The following RAB27B variants were observed in gnomAD, a reference collection of about 807,000 sequenced individuals.
RAB27B encodes the protein ras-related protein Rab-27B.
RAB27B carries 15 observed loss-of-function variants against 24.6 expected under a neutral mutation model. The observed-to-expected ratio is 0.61, with a 90% CI of 0.41 to 0.94. The LOEUF is 0.94. RAB27B is among the 40% of genes least tolerant of loss of function. The pLI, the probability that RAB27B is intolerant of heterozygous loss-of-function variation, is 0.00. For missense variants in RAB27B, 261 were observed against 266.8 expected, an observed-to-expected ratio of 0.98 and a Z score of 0.15; for synonymous variants, 105 against 92.5, an observed-to-expected ratio of 1.14 and a Z score of -0.78.
chr18:54,751,837 A>G (rs1196480740), intron 2 of RAB27B, among the ~76,000 whole-genome samples: 1 of 152,176 alleles, frequency 6.6e-6, no homozygotes, highest in Admixed American at 6.5e-5. Context: ...AGGAGATGAC[A>G]CAGTCATTAC....
chr18:54,854,535 C>T (rs1487194041), intron 1 of RAB27B, among the ~76,000 whole-genome samples: 1 of 152,074 alleles, frequency 6.6e-6, no homozygotes, highest in Non-Finnish European at 1.5e-5. Context: ...TAAACATAAC[C>T]TTTATTTTAA....
rs1313220199 is a variant in RAB27B at position 54,895,422 on chromosome 18, T to G, written c.*6009T>G. Reference sequence around the variant, plus strand: ...TTCAGAAATCATAGCATCCAATGATTTTTTGGTGTCTGGCTATGAATACTA... The same window carrying G: ...TTCAGAAATCATAGCATCCAATGATGTTTTGGTGTCTGGCTATGAATACTA... On this transcript the variant is annotated 3_prime_UTR_variant, in exon 6 of 6. Transcript: ENST00000262094. 2.6e-5 allele frequency: 4 copies of G among 152,126 alleles called. No homozygotes were observed. The highest frequency in any genetic ancestry group is 9.7e-5 in the African/African-American group (4 of 41,444). 9.4% of individuals were successfully genotyped at this position (152,126 alleles called of 1,614,324 possible).
chr18:54,758,358 C>T (rs1301822165), intron 2 of RAB27B, among the ~76,000 whole-genome samples: 1 of 151,982 alleles, frequency 6.6e-6, no homozygotes, highest in Admixed American at 6.6e-5. Flanking sequence ...TGAAGAAAGG[C>T]CGTAGAAAGG....
intron 2 of RAB27B, among the ~76,000 whole-genome samples, chr18:54,807,281 C>G (rs1014795294): frequency 6.6e-6 from 1 of 152,124 alleles, no homozygotes; most frequent in Non-Finnish European, 1.5e-5. Flanking sequence ...GTATTTTTTC[C>G]TGCTCTGAGG....
chr18:54,874,216 G>A (rs1021071487), intron 1 of RAB27B, among the ~76,000 whole-genome samples: 2 of 152,098 alleles, frequency 1.3e-5, no homozygotes, highest in African/African-American at 4.8e-5. Flanking sequence ...CTCTCCTCAT[G>A]TCTAATTCCC....
intron 1 of RAB27B, among the ~76,000 whole-genome samples, chr18:54,877,102 A>G (rs552587084): frequency 1.2e-4 from 19 of 152,276 alleles, no homozygotes; most frequent in African/African-American, 4.3e-4. Flanking sequence ...TTTTCATGAT[A>G]GTGAGTTCTC....
intron 2 of RAB27B, among the ~76,000 whole-genome samples, chr18:54,802,279 G>A (rs1467927043): frequency 6.6e-6 from 1 of 152,224 alleles, no homozygotes; most frequent in Admixed American, 6.5e-5. Flanking sequence ...GTACTCCTGA[G>A]ATGAGCTGAG....
At chr18:54,846,494 A>T (rs1911343758) in intron 1 of RAB27B, among the ~76,000 whole-genome samples, 1 of 152,234 alleles carries the variant, frequency 6.6e-6, no homozygotes, top group Non-Finnish European at 1.5e-5. Flanking sequence ...AGGAATAGAG[A>T]TAAAAATGCA....
intron 2 of RAB27B, among the ~76,000 whole-genome samples, chr18:54,733,742 C>T (rs1909803708): frequency 6.8e-6 from 1 of 146,470 alleles, no homozygotes; most frequent in Non-Finnish European, 1.5e-5. Context: ...GCAGGTCCTG[C>T]ATCAACTCAC....
intron 1 of RAB27B, among the ~76,000 whole-genome samples, chr18:54,870,096 A>G (rs1912402862): frequency 6.6e-6 from 1 of 152,180 alleles, no homozygotes; most frequent in Admixed American, 6.5e-5. Context: ...AATGATGGAA[A>G]CATTTTACGT....
chr18:54,821,510 C>A (rs1910309550), intron 2 of RAB27B, among the ~76,000 whole-genome samples: 1 of 152,082 alleles, frequency 6.6e-6, no homozygotes, highest in Non-Finnish European at 1.5e-5. Context: ...TATTTCCATC[C>A]CCATCAAGCT....
intron 2 of RAB27B, among the ~76,000 whole-genome samples, chr18:54,819,022 T>TA (rs1341902166): frequency 6.6e-6 from 1 of 151,544 alleles, no homozygotes; most frequent in African/African-American, 2.4e-5. Flanking sequence ...AATCTGTAGC[T>TA]AAAAAAATCC....
intron 2 of RAB27B, among the ~76,000 whole-genome samples, chr18:54,723,523 T>A (rs1162232842): frequency 6.6e-6 from 1 of 152,194 alleles, no homozygotes; most frequent in Non-Finnish European, 1.5e-5. Flanking sequence ...TAATCCCACA[T>A]ATAGTATAAT....
At chr18:54,819,482 A>G (rs899460268) in intron 2 of RAB27B, among the ~76,000 whole-genome samples, 8 of 146,866 alleles carry the variant, frequency 5.4e-5, no homozygotes, top group African/African-American at 2.0e-4. Context: ...CAGTAAGCCA[A>G]CATCACAGCA....
At chr18:54,847,387 T>C (rs1358763472) in intron 1 of RAB27B, among the ~76,000 whole-genome samples, 1 of 152,116 alleles carries the variant, frequency 6.6e-6, no homozygotes, top group Admixed American at 6.5e-5. Context: ...CTAAAACCAT[T>C]CCAAAAAGAA....
At position 54,726,874 on chromosome 18, in the gene RAB27B, G is replaced by A. The variant is rs1436736495; in HGVS notation, c.-20+8733G>A. 1.3e-5 allele frequency among the ~76,000 whole-genome samples: 2 copies of A among 152,190 alleles called. 1 individual carries two copies. The highest frequency in any genetic ancestry group is 2.9e-5 in the Non-Finnish European group (2 of 68,028). Reference sequence around the variant, plus strand: ...TCTAGACTGCTAATGGGTTTTGCATGTTGGCAAGGATACAGCAGAATAAAT... The same window carrying A: ...TCTAGACTGCTAATGGGTTTTGCATATTGGCAAGGATACAGCAGAATAAAT... On this transcript the variant is annotated intron_variant, in intron 2 of 4. Coordinates refer to the RAB27B transcript ENST00000586570.
intron 2 of RAB27B, among the ~76,000 whole-genome samples, chr18:54,805,936 G>A (rs12956208): frequency 0.23 from 34,471 of 151,966 alleles, 4,184 homozygotes; most frequent in East Asian, 0.4. Flanking sequence ...TTGATTACTC[G>A]TAAGTTGAGA....
At position 54,739,540 on chromosome 18, in the gene RAB27B, CT is replaced by C. The variant is rs558200452; in HGVS notation, c.-20+21406del. 2.1e-3 allele frequency among the ~76,000 whole-genome samples: 307 copies of C among 145,292 alleles called. 1 individual carries two copies. The highest frequency in any genetic ancestry group is 2.4e-3 in the South Asian group (11 of 4,598). On this transcript the variant is annotated intron_variant, in intron 2 of 4. Transcript: ENST00000586570. Reference sequence around the variant, plus strand: ...TGATGTACCCTTAAATTCTTTCTTTCTTTTTTTCTTTCTTTTTTTTTTTTGC... The same window carrying C: ...TGATGTACCCTTAAATTCTTTCTTTCTTTTTTCTTTCTTTTTTTTTTTTGC...
At chr18:54,728,900 ACCCAAAAAAAAAAAAAAAAAAAACC>A in intron 2 of RAB27B, among the ~76,000 whole-genome samples, 1 of 64,018 alleles carries the variant, frequency 1.6e-5, no homozygotes, top group African/African-American at 5.7e-5. Flanking sequence ...AAAAAAAAAA[ACCCAAAAAAAAAAAAAAAAAAAACC>A]ACCACCAAAG....
Sources: allele counts gnomAD v4.1 joint callset (sites outside exome capture counted in the v4.1 genomes callset), GRCh38; gene constraint gnomAD v4.1.1; transcripts MANE v1.5; gene names NCBI Gene and HGNC (gene_info 2026-07-23, HGNC 2026-07-21).